The following DLC1 variants were observed in gnomAD, a reference collection of about 807,000 sequenced individuals.
DLC1 encodes the protein DLC1 Rho GTPase activating protein.
A neutral mutation model predicts 140.3 loss-of-function variants in DLC1; 54 were observed. The observed-to-expected ratio is 0.38, with a 90% confidence interval of 0.31 to 0.48. DLC1 has a LOEUF of 0.48. Among genes scored for constraint, DLC1 ranks in the 20% least tolerant of loss-of-function variants. The probability of loss-of-function intolerance (pLI) is 0.96; values close to 1 mark genes in which losing one functional copy is unlikely to be tolerated. For synonymous variants in DLC1, 986 were observed against 728.1 expected, an observed-to-expected ratio of 1.35 and a Z score of -5.70; for missense variants, 2,536 against 1,907.0, an observed-to-expected ratio of 1.33 and a Z score of -6.14.
At chr8:13,377,247 T>C (rs1390463874) in intron 4 of DLC1, among the ~76,000 whole-genome samples, 1 of 152,184 alleles carries the variant, frequency 6.6e-6, no homozygotes, top group African/African-American at 2.4e-5. Flanking sequence ...GTTCAATGAA[T>C]GAGTGAATGA....
intron 4 of DLC1, among the ~76,000 whole-genome samples, chr8:13,383,748 C>G (rs747257156): frequency 1.1e-4 from 17 of 152,144 alleles, no homozygotes; most frequent in Non-Finnish European, 2.4e-4. Context: ...TGAGAATGCT[C>G]AAGCATTCCC....
At chr8:13,197,532 G>C (rs1827138911) in intron 5 of DLC1, among the ~76,000 whole-genome samples, 1 of 151,886 alleles carries the variant, frequency 6.6e-6, no homozygotes, top group South Asian at 2.1e-4. Context: ...ATTTTTAGTA[G>C]AGATGGGGTT....
At chr8:13,265,321 A>T (rs1255767058) in intron 5 of DLC1, among the ~76,000 whole-genome samples, 1 of 152,236 alleles carries the variant, frequency 6.6e-6, no homozygotes, top group Non-Finnish European at 1.5e-5. Flanking sequence ...TCAATATCTT[A>T]CTTTAAATAA....
At chr8:13,552,515 T>A (rs1239955966) in intron 1 of DLC1, among the ~76,000 whole-genome samples, 11 of 151,268 alleles carry the variant, frequency 7.3e-5, no homozygotes, top group Non-Finnish European at 1.2e-4. Flanking sequence ...ATGATAGAAG[T>A]ATCAGCTGTA....
chr8:13,139,973 C>T (rs576565372), intron 5 of DLC1, among the ~76,000 whole-genome samples: 8 of 152,144 alleles, frequency 5.3e-5, no homozygotes, highest in East Asian at 1.9e-4. Flanking sequence ...AGTGCATTCA[C>T]GTTATTGTGT....
At chr8:13,221,634 G>A (rs1454641711) in intron 5 of DLC1, among the ~76,000 whole-genome samples, 1 of 149,888 alleles carries the variant, frequency 6.7e-6, no homozygotes, top group East Asian at 1.9e-4. Flanking sequence ...GCCTCCCAAA[G>A]TGCTGGGATT....
At chr8:13,116,982 C>T (rs899082587) in intron 5 of DLC1, among the ~76,000 whole-genome samples, 1 of 152,044 alleles carries the variant, frequency 6.6e-6, no homozygotes, top group South Asian at 2.1e-4. Context: ...GGAAGAACTT[C>T]GATGTTTACA....
chr8:13,121,414 T>C (rs1821048833), intron 5 of DLC1, among the ~76,000 whole-genome samples: 1 of 152,170 alleles, frequency 6.6e-6, no homozygotes, highest in African/African-American at 2.4e-5. Flanking sequence ...TTACAACCCA[T>C]CTTTACCTGA....
At chr8:13,374,250 G>A (rs746670014) in intron 4 of DLC1, among the ~76,000 whole-genome samples, 12 of 152,124 alleles carry the variant, frequency 7.9e-5, no homozygotes, top group African/African-American at 2.2e-4. Context: ...TCCAAGCTTC[G>A]ACTTATCTTC....
intron 1 of DLC1, among the ~76,000 whole-genome samples, chr8:13,511,319 TC>T (rs1802353673): frequency 3.5e-5 from 1 of 28,608 alleles, no homozygotes; most frequent in Non-Finnish European, 8.8e-5. Flanking sequence ...ACATTATCTT[TC>T]ACCTTTTTTT....
At chr8:13,322,233 G>A (rs1306743985) in intron 4 of DLC1, among the ~76,000 whole-genome samples, 1 of 152,094 alleles carries the variant, frequency 6.6e-6, no homozygotes, top group Non-Finnish European at 1.5e-5. Flanking sequence ...AGTACCCACT[G>A]CTGTTGAATA....
intron 5 of DLC1, among the ~76,000 whole-genome samples, chr8:13,302,274 T>C (rs531140736): frequency 7.9e-5 from 12 of 152,304 alleles, no homozygotes; most frequent in African/African-American, 2.2e-4. Flanking sequence ...TGAGTTCCTA[T>C]GGGGCAGAGG....
chr8:13,505,081 A>G (rs1202305514), intron 1 of DLC1, among the ~76,000 whole-genome samples: 2 of 152,346 alleles, frequency 1.3e-5, no homozygotes, highest in East Asian at 3.9e-4. Flanking sequence ...GTTATAGAGA[A>G]CACTAGGGAT....
chr8:13,392,143 C>G (rs1396467258), intron 4 of DLC1, among the ~76,000 whole-genome samples: 1 of 152,160 alleles, frequency 6.6e-6, no homozygotes, highest in Non-Finnish European at 1.5e-5. Flanking sequence ...CCCGAAAGAT[C>G]ATTGTGCAGT....
chr8:13,423,814 T>G (rs1838430136), intron 2 of DLC1, among the ~76,000 whole-genome samples: 1 of 152,178 alleles, frequency 6.6e-6, no homozygotes, highest in African/African-American at 2.4e-5. Flanking sequence ...TCCGTGTTCT[T>G]CTCTTTAAAA....
chr8:13,419,930 C>G (rs567993933), intron 2 of DLC1, among the ~76,000 whole-genome samples: 6 of 152,136 alleles, frequency 3.9e-5, no homozygotes, highest in South Asian at 2.1e-4. Flanking sequence ...CTTCTTCCTG[C>G]TTTAGTCTTG....
intron 5 of DLC1, among the ~76,000 whole-genome samples, chr8:13,204,407 T>C (rs1178324739): frequency 6.6e-6 from 1 of 152,216 alleles, no homozygotes; most frequent in Non-Finnish European, 1.5e-5. Flanking sequence ...AAGTACACTA[T>C]TTCCCTTAGA....
At chr8:13,587,843 C>G (rs1441101963) in intron 1 of DLC1, among the ~76,000 whole-genome samples, 1 of 145,238 alleles carries the variant, frequency 6.9e-6, no homozygotes, top group African/African-American at 2.5e-5. Flanking sequence ...CTCTAAATTT[C>G]TCCTGTATCA....
intron 5 of DLC1, among the ~76,000 whole-genome samples, chr8:13,260,396 C>G (rs930402003): frequency 6.6e-6 from 1 of 152,108 alleles, no homozygotes; most frequent in East Asian, 1.9e-4. Context: ...AGAAGGTGGA[C>G]AGGACAGGAT....
Sources: allele counts gnomAD v4.1 joint callset (sites outside exome capture counted in the v4.1 genomes callset), GRCh38; gene constraint gnomAD v4.1.1; transcripts MANE v1.5; gene names NCBI Gene and HGNC (gene_info 2026-07-23, HGNC 2026-07-21).